CLMN: variants seen among roughly 807,000 people sequenced by gnomAD.
CLMN encodes the protein calmin (calponin-like, transmembrane).
CLMN carries 57 observed loss-of-function variants against 92.7 expected under a neutral mutation model. The observed-to-expected ratio is 0.61, with a 90% CI of 0.50 to 0.77. The LOEUF (loss-of-function observed/expected upper bound fraction) is 0.77, where lower values mean the gene tolerates loss of function less well. Among genes scored for constraint, CLMN ranks in the 30% least tolerant of loss-of-function variants. The pLI is 0.00. For missense variants in CLMN, 1,158 were observed against 1,237.5 expected (o/e 0.94, Z 0.96); for synonymous variants, 466 against 470.6 (o/e 0.99, Z 0.13).
Position 95,194,695 on chromosome 14 carries a change from A to T in CLMN, c.2709-99T>A. The T allele has an allele frequency of 9.3e-7, 1 of 1,071,826 alleles. No individual in the cohort carries two copies. Among genetic ancestry groups the T allele is most frequent in the South Asian group, 1.3e-5 (1 of 77,064 alleles). 66.4% of individuals were successfully genotyped at this position (1,071,826 alleles called of 1,614,324 possible). A position where few individuals can be genotyped will look rare whatever the true frequency, so the allele number is the denominator to read the frequency against. On this transcript the variant is annotated intron_variant, in intron 10 of 12. Transcript: ENST00000298912. This position sits in a 1 kb window ranked among gnomAD's most constrained non-coding sequence, Gnocchi z 4.0. ...TCCTGGGGTTTCCACGTATGGGTTT[A>T]GGCAAGCGACAACTTCACAGCCAGG...
intron 4 of CLMN, among the ~76,000 whole-genome samples, chr14:95,217,617 CG>C (rs1470352661): frequency 2.6e-5 from 4 of 152,236 alleles, no homozygotes; most frequent in Non-Finnish European, 5.9e-5. Flanking sequence ...CTCGCCTGCT[CG>C]TCTCCTAAGC....
intron 1 of CLMN, among the ~76,000 whole-genome samples, chr14:95,252,348 C>T (rs980080994): frequency 3.7e-4 from 57 of 152,172 alleles, no homozygotes; most frequent in African/African-American, 1.3e-3. Flanking sequence ...TGCAGGGTTG[C>T]CTTGAAGATA....
chr14:95,311,394 C>A (rs1175675975), intron 1 of CLMN, among the ~76,000 whole-genome samples: 1 of 152,126 alleles, frequency 6.6e-6, no homozygotes, highest in East Asian at 1.9e-4. Context: ...CCTCCACCAT[C>A]GGAGCCTGGG....
At position 95,190,772 on chromosome 14, in the gene CLMN, A is replaced by T. The variant is rs1896541211; in HGVS notation, c.*792T>A. On this transcript the variant is annotated 3_prime_UTR_variant, in exon 13 of 13. Coordinates refer to ENST00000298912, the MANE Select transcript of CLMN (RefSeq NM_024734.4). The stretch of plus-strand genomic sequence containing the variant: ...CACTGCTGGGAGCTGATTCCAGCCC[A>T]GCCACTCCTCATGGCTTTTATATGG... 1 of 152,250 alleles carries T rather than the reference A, an allele frequency of 6.6e-6. No homozygotes were observed. The highest frequency in any genetic ancestry group is 1.5e-5 in the Non-Finnish European group (1 of 68,068). The allele number at this position is 152,250 out of a possible 1,614,324, so 9.4% of individuals were successfully genotyped here. A position where few individuals can be genotyped will look rare whatever the true frequency, so the allele number is the denominator to read the frequency against.
rs1041418649 is a variant in CLMN, at chr14:95,186,132, G to A, written c.*5432C>T. The A allele has an allele frequency of 5.9e-5, 9 of 152,318 alleles. No individual in the cohort carries two copies. In the South Asian group the frequency reaches 1.0e-3, roughly 18 times the overall value. The allele number at this position is 152,318 out of a possible 1,614,324, so 9.4% of individuals were successfully genotyped here. A position where few individuals can be genotyped will look rare whatever the true frequency, so the allele number is the denominator to read the frequency against. ...TCATCAACTAGCAGGGCGACTAGTCGTTTCCTCTTTCTAATCTTCAGTTTT... is the reference window on the plus strand; with the variant it reads ...TCATCAACTAGCAGGGCGACTAGTCATTTCCTCTTTCTAATCTTCAGTTTT... On this transcript the variant is annotated 3_prime_UTR_variant, in exon 13 of 13. Coordinates refer to ENST00000298912, the MANE Select transcript of CLMN (RefSeq NM_024734.4).
chr14:95,193,411 T>A, intron 12 of CLMN: 2 of 1,531,020 alleles, frequency 1.3e-6, no homozygotes, highest in Non-Finnish European at 1.7e-6. Flanking sequence ...TTCTGAGTAC[T>A]GTACCTGCAG....
At chr14:95,250,609 G>T (rs973507124) in intron 1 of CLMN, among the ~76,000 whole-genome samples, 1 of 152,210 alleles carries the variant, frequency 6.6e-6, no homozygotes, top group African/African-American at 2.4e-5. Flanking sequence ...GCCATGCAGT[G>T]TTCATAAATA....
At position 95,184,976 on chromosome 14, in the gene CLMN, T is replaced by A. The variant is rs1164250231; in HGVS notation, c.*6588A>T. The A allele has an allele frequency of 6.6e-6, 1 of 152,298 alleles. No individual in the cohort carries two copies. Among genetic ancestry groups the A allele is most frequent in the Non-Finnish European group, 1.5e-5 (1 of 68,150 alleles). The allele number at this position is 152,298 out of a possible 1,614,324, so 9.4% of individuals were successfully genotyped here. ...AAAAAATTAGGTGGGCGTGGTGGCA[T>A]GCACCTGTACTACCAGCTACTTGGG... is the stretch of plus-strand genomic sequence containing the variant. On this transcript the variant is annotated 3_prime_UTR_variant, in exon 13 of 13. Transcript: ENST00000298912.
At chr14:95,240,799 C>T (rs1203763867) in intron 1 of CLMN, among the ~76,000 whole-genome samples, 6 of 152,294 alleles carry the variant, frequency 3.9e-5, no homozygotes, top group South Asian at 2.1e-4. Flanking sequence ...GAAACTGAGT[C>T]TCAGAGAGGG....
At chr14:95,229,845 C>T (rs530488962) in intron 2 of CLMN, among the ~76,000 whole-genome samples, 2 of 152,240 alleles carry the variant, frequency 1.3e-5, no homozygotes, top group East Asian at 1.9e-4. Context: ...CAGACCCTCT[C>T]TTTCCTTCCC....
rs755044666 is a variant in CLMN, at chr14:95,214,315, A to ATATG, written c.418-910_418-907dup. On this transcript the variant is annotated intron_variant, in intron 5 of 12. Transcript: ENST00000298912. ...AATAACAGGTAGCAGTAATTGAAGC[A>ATATG]TATGTATAACACATGGTGGCTGCTG... 1.1e-4 allele frequency among the ~76,000 whole-genome samples: 17 copies of ATATG among 149,350 alleles called. 1 individual carries two copies. The highest frequency in any genetic ancestry group is 2.0e-4 in the African/African-American group (8 of 40,464).
intron 1 of CLMN, among the ~76,000 whole-genome samples, chr14:95,237,329 T>C (rs1898089471): frequency 6.6e-6 from 1 of 152,172 alleles, no homozygotes. Context: ...CTGCAGAGGC[T>C]GGGAGGAGGC....
In CLMN at chr14:95,203,649, T is replaced by C. The variant is rs774584346; in HGVS notation, c.1700A>G (p.Asn567Ser). ...EAIPLKASKF[N>S]SDLIDFASTS... ...AGAAGCAAAATCTATTAGGTCGCTG[T>C]TAAATTTTGAGGCTTTTAATGGGAT... The change falls in exon 9 of 13, where the codon AAC becomes AGC. Residue 567 changes from asparagine (N) to serine (S), a missense_variant. Physicochemically the swap from Asn to Ser is conservative, Grantham distance 46. Transcript: ENST00000298912. 3.8e-5 allele frequency: 62 copies of C among 1,614,094 alleles called. No individual in the cohort carries two copies. The South Asian group carries it at 6.7e-4, about 17-fold the overall frequency.
intron 1 of CLMN, among the ~76,000 whole-genome samples, chr14:95,297,811 G>GCA (rs3219870): frequency 0.037 from 5,363 of 145,034 alleles, 174 homozygotes; most frequent in African/African-American, 0.084. Context: ...AATATGGCAG[G>GCA]CACACACACA....
intron 1 of CLMN, among the ~76,000 whole-genome samples, chr14:95,271,859 A>G (rs1899723856): frequency 6.6e-6 from 1 of 152,194 alleles, no homozygotes. Flanking sequence ...CTTGACTTCT[A>G]TCATCATAGA....
chr14:95,298,697 C>T (rs751111174), intron 1 of CLMN, among the ~76,000 whole-genome samples: 1 of 152,202 alleles, frequency 6.6e-6, no homozygotes, highest in Non-Finnish European at 1.5e-5. Context: ...AGAGGTACAT[C>T]TATACCTGCA....
chr14:95,289,935 G>A (rs983623049), intron 1 of CLMN, among the ~76,000 whole-genome samples: 7 of 152,174 alleles, frequency 4.6e-5, no homozygotes, highest in Admixed American at 3.3e-4. Flanking sequence ...GTGTGTAATC[G>A]CCACCTAAGA....
At chr14:95,280,951 A>G (rs1284228827) in intron 1 of CLMN, among the ~76,000 whole-genome samples, 6 of 152,178 alleles carry the variant, frequency 3.9e-5, no homozygotes, top group African/African-American at 1.4e-4. Flanking sequence ...TCCACAGACA[A>G]TTGTTATCTT....
intron 1 of CLMN, among the ~76,000 whole-genome samples, chr14:95,314,926 G>A (rs989677110): frequency 4.6e-5 from 7 of 152,158 alleles, no homozygotes; most frequent in African/African-American, 1.7e-4. Flanking sequence ...GGTTTTCTTT[G>A]GGTTTTTATA....
Sources: gnomAD v4.1 joint callset for allele counts (sites outside exome capture counted in the v4.1 genomes callset) on GRCh38, gnomAD v4.1.1 for gene constraint, Gnocchi (gnomAD v3.1) non-coding constraint, MANE v1.5 for transcripts, NCBI Gene and HGNC (gene_info 2026-07-23, HGNC 2026-07-21) for gene names.